Variants in RIPPLY3 observed in about 807,000 individuals in gnomAD.
RIPPLY3 encodes ripply transcriptional repressor 3.
In RIPPLY3, 8 loss-of-function variants were observed where a neutral mutation model predicts 11.9. That is an observed-to-expected ratio of 0.67 (90% confidence interval 0.40 to 1.21). The LOEUF is 1.21. Ranked by LOEUF, RIPPLY3 falls within the 50% of genes most tolerant of loss-of-function variation. The probability of loss-of-function intolerance (pLI) is 0.01; values close to 1 mark genes in which losing one functional copy is unlikely to be tolerated. For synonymous variants in RIPPLY3, 102 were observed against 99.0 expected (o/e 1.03, Z -0.18); for missense variants, 271 against 246.0 (o/e 1.10, Z -0.68).
chr21:37,013,470 G>C, intron 2 of RIPPLY3, 81 bp from the exon 3 acceptor site: 9 of 1,192,260 alleles, frequency 7.5e-6, no homozygotes, highest in Non-Finnish European at 1.1e-5. Context: ...GATGACTTAC[G>C]TTCTGTGGTT....
In RIPPLY3 at chr21:37,019,645, A is replaced by G. The variant is rs2069620514; in HGVS notation, c.*1438A>G. Reference sequence around the variant, plus strand: ...TACATTATATCAATTTCTACTTGAAATAAATATTTTGAAAGAATGTTTGAT... The same window carrying G: ...TACATTATATCAATTTCTACTTGAAGTAAATATTTTGAAAGAATGTTTGAT... On this transcript the variant is annotated 3_prime_UTR_variant, in exon 4 of 4. Coordinates refer to ENST00000329553, the MANE Select transcript of RIPPLY3 (RefSeq NM_018962.3). 6.6e-6 allele frequency: 1 copy of G among 152,160 alleles called. No homozygotes were observed. The highest frequency in any genetic ancestry group is 2.1e-4 in the South Asian group (1 of 4,828). The allele number at this position is 152,160 out of a possible 1,614,324, so 9.4% of individuals were successfully genotyped here. A position where few individuals can be genotyped will look rare whatever the true frequency, so the allele number is the denominator to read the frequency against.
chr21:37,013,694 C>A, intron 3 of RIPPLY3, 76 bp downstream of exon 3: 1 of 1,032,024 alleles, frequency 9.7e-7, no homozygotes, highest in Non-Finnish European at 1.5e-6. Flanking sequence ...GTGTCTTCAA[C>A]CACATAGATT....
intron 3 of RIPPLY3, 99 bp from the exon 4 acceptor site, chr21:37,017,775 G>A: frequency 1.1e-6 from 1 of 928,298 alleles, no homozygotes; most frequent in Non-Finnish European, 1.6e-6. Flanking sequence ...CAGAAAGGAA[G>A]ACTGGGGAGT....
chr21:37,008,148 C>G lies in RIPPLY3; in HGVS notation c.105-9C>G. ...AGGGTTCACTCTCTCCTGGCGCTTG[C>G]CGTTCCAGCCCCGCGCCGTGGCGAC... On this transcript the variant is annotated splice_polypyrimidine_tract_variant and intron_variant, in intron 1 of 3. Transcript: ENST00000329553. The G allele has an allele frequency of 1.9e-6, 3 of 1,614,038 alleles. No individual in the cohort carries two copies.
rs958838366 is a variant in RIPPLY3, at chr21:37,018,852, C to T, written c.*645C>T. The T allele has an allele frequency of 1.3e-5, 2 of 151,694 alleles. No homozygotes were observed. Among genetic ancestry groups the T allele is most frequent in the African/African-American group, 4.8e-5 (2 of 41,302 alleles). The allele number at this position is 151,694 out of a possible 1,614,324, so 9.4% of individuals were successfully genotyped here. A position where few individuals can be genotyped will look rare whatever the true frequency, so the allele number is the denominator to read the frequency against. On this transcript the variant is annotated 3_prime_UTR_variant, in exon 4 of 4. Coordinates refer to ENST00000329553, the MANE Select transcript of RIPPLY3 (RefSeq NM_018962.3). The stretch of plus-strand genomic sequence containing the variant: ...GGATTACAGGCATGAGCTACCACGC[C>T]TGGCTAATTTTTTGTATTTTTAGTA...
chr21:37,016,565 G>A (rs892411750), intron 3 of RIPPLY3, among the ~76,000 whole-genome samples: 3 of 152,194 alleles, frequency 2.0e-5, no homozygotes, highest in African/African-American at 7.2e-5. Context: ...AGGCATGGTG[G>A]CTCATACCTG....
At chr21:37,016,511 C>A (rs2835559) in intron 3 of RIPPLY3, among the ~76,000 whole-genome samples, 29,792 of 151,998 alleles carry the variant, frequency 0.2, 3,173 homozygotes, top group South Asian at 0.35. Flanking sequence ...TTCAGAAGAC[C>A]ACAGAGAAAA....
At chr21:37,009,728 G>GT (rs1158424616) in intron 2 of RIPPLY3, among the ~76,000 whole-genome samples, 3 of 152,326 alleles carry the variant, frequency 2.0e-5, no homozygotes, top group Non-Finnish European at 4.4e-5. Context: ...TTTGTTTTCT[G>GT]TTTTGATAAG....
chr21:37,008,067 G>A (rs2069483260), intron 1 of RIPPLY3, 90 bp from the exon 2 acceptor site: 1 of 1,374,124 alleles, frequency 7.3e-7, no homozygotes, highest in Non-Finnish European at 1.0e-6. Flanking sequence ...TTTTCAGGCA[G>A]ACACTGGAAC....
Position 37,018,168 on chromosome 21 carries a change from T to C in RIPPLY3, c.534T>C (p.Gly178=). 1 of 1,613,824 alleles carries C rather than the reference T, an allele frequency of 6.2e-7. No individual in the cohort carries two copies. The highest frequency in any genetic ancestry group is 8.5e-7 in the Non-Finnish European group (1 of 1,179,878). ...DHWGEGPLPQ[G]VSSRGGKCSS... is the part of the protein sequence containing the mutation. ...GGGGGGAGGGTCCGCTCCCTCAAGG[T>C]GTCTCCTCAAGGGGTGGCAAGTGCT... Residue 178 remains glycine (G), a synonymous_variant, in exon 4 of 4, where the codon GGT becomes GGC. Coordinates refer to ENST00000329553, the MANE Select transcript of RIPPLY3 (RefSeq NM_018962.3).
intron 1 of RIPPLY3, among the ~76,000 whole-genome samples, chr21:37,007,331 G>A (rs778459645): frequency 1.5e-4 from 22 of 151,398 alleles, no homozygotes; most frequent in Non-Finnish European, 2.8e-4. Context: ...AATCAAATTA[G>A]CCAGGGAGGT....
intron 2 of RIPPLY3, 45 bp downstream of exon 2, chr21:37,008,268 A>G: frequency 6.2e-7 from 1 of 1,601,050 alleles, no homozygotes; most frequent in Non-Finnish European, 8.6e-7. Context: ...CCAGCCAGAA[A>G]GTGGCATCGT....
At chr21:37,008,363 A>C in intron 2 of RIPPLY3, 140 bp downstream of exon 2, 1 of 750,482 alleles carries the variant, frequency 1.3e-6, no homozygotes, top group Non-Finnish European at 2.1e-6. Flanking sequence ...GGGGTCTGGG[A>C]GTTGGAACCT....
chr21:37,013,680 T>A (rs1380629750), intron 3 of RIPPLY3, 62 bp downstream of exon 3: 8 of 1,193,972 alleles, frequency 6.7e-6, no homozygotes, highest in Non-Finnish European at 9.9e-6. Flanking sequence ...ATTAATATGC[T>A]TTAGTGTCTT....
chr21:37,013,702 A>C (rs2069550144), intron 3 of RIPPLY3, 84 bp downstream of exon 3: 1 of 937,614 alleles, frequency 1.1e-6, no homozygotes. Context: ...AACCACATAG[A>C]TTGTCAACAA....
At chr21:37,016,903 C>T (rs1300230900) in intron 3 of RIPPLY3, among the ~76,000 whole-genome samples, 2 of 151,902 alleles carry the variant, frequency 1.3e-5, no homozygotes, top group African/African-American at 2.4e-5. Context: ...TGCCTATAAT[C>T]GCAGCACTGT....
At chr21:37,014,736 T>A (rs2069560889) in intron 3 of RIPPLY3, among the ~76,000 whole-genome samples, 1 of 152,194 alleles carries the variant, frequency 6.6e-6, no homozygotes, top group South Asian at 2.1e-4. Flanking sequence ...ACCAATAGTT[T>A]TCTTTTCTCT....
At position 37,019,571 on chromosome 21, in the gene RIPPLY3, G is replaced by A. The variant is rs1212353316; in HGVS notation, c.*1364G>A. 1 of 151,956 alleles carries A rather than the reference G, an allele frequency of 6.6e-6. No individual in the cohort carries two copies. The highest frequency in any genetic ancestry group is 1.5e-5 in the Non-Finnish European group (1 of 68,010). The allele number at this position is 151,956 out of a possible 1,614,324, so 9.4% of individuals were successfully genotyped here. On this transcript the variant is annotated 3_prime_UTR_variant, in exon 4 of 4. Coordinates refer to ENST00000329553, the MANE Select transcript of RIPPLY3 (RefSeq NM_018962.3). The stretch of plus-strand genomic sequence containing the variant: ...AATATTTTGATAAACGTGTATTCCT[G>A]AAACTTTTTGACTTACTTATCTTAC...
Position 37,018,591 on chromosome 21 carries a change from T to C in RIPPLY3, c.*384T>C, listed in dbSNP as rs1297764878. The C allele has an allele frequency of 5.7e-6, 1 of 176,674 alleles. No homozygotes were observed. Among genetic ancestry groups the C allele is most frequent in the Non-Finnish European group, 1.2e-5 (1 of 84,660 alleles). 10.9% of individuals were successfully genotyped at this position (176,674 alleles called of 1,614,324 possible). ...ACCTGAGACTCATTATTTAGCTATT[T>C]CTGCTTTTGTAAAAATAATTCAGAT... On this transcript the variant is annotated 3_prime_UTR_variant, in exon 4 of 4. Transcript: ENST00000329553.
Sources: gnomAD v4.1 joint callset for allele counts (sites outside exome capture counted in the v4.1 genomes callset) on GRCh38, gnomAD v4.1.1 for gene constraint, MANE v1.5 for transcripts, NCBI Gene and HGNC (gene_info 2026-07-23, HGNC 2026-07-21) for gene names.